Variants in PDE4D observed in about 807,000 individuals in gnomAD.
PDE4D encodes the protein phosphodiesterase 4D.
Under a neutral mutation model 87.4 loss-of-function variants are expected in PDE4D, and 24 were observed. That is an observed-to-expected ratio of 0.27 (90% CI 0.20 to 0.39). The LOEUF (loss-of-function observed/expected upper bound fraction) is 0.39. Ranked by LOEUF, PDE4D falls within the 10% of genes least tolerant of loss-of-function variation. PDE4D has a pLI of 1.00. For missense variants in PDE4D, 714 were observed against 1,041.0 expected, an observed-to-expected ratio of 0.69 and a Z score of 4.32; for synonymous variants, 384 against 383.2, an observed-to-expected ratio of 1.00 and a Z score of -0.02.
chr5:59,560,197 A>G (rs1819728057), intron 1 of PDE4D, among the ~76,000 whole-genome samples: 1 of 152,238 alleles, frequency 6.6e-6, no homozygotes, highest in Admixed American at 6.5e-5. Context: ...TTTAAACATA[A>G]TCTGGCATAA....
At chr5:59,833,722 A>G (rs770499477) in intron 1 of PDE4D, among the ~76,000 whole-genome samples, 6 of 151,940 alleles carry the variant, frequency 3.9e-5, no homozygotes, top group Non-Finnish European at 5.9e-5. Flanking sequence ...AGGCAGTGTG[A>G]AAGGGGTGTG....
chr5:60,127,246 G>C (rs559122005), intron 2 of PDE4D, among the ~76,000 whole-genome samples: 1 of 152,252 alleles, frequency 6.6e-6, no homozygotes, highest in Non-Finnish European at 1.5e-5. Context: ...GACAAGGTGT[G>C]ATTCAGATTA....
chr5:59,193,468 A>T, intron 3 of PDE4D, 32 bp downstream of exon 3: 1 of 1,602,084 alleles, frequency 6.2e-7, no homozygotes, highest in Non-Finnish European at 8.5e-7. Context: ...TACATCTGTG[A>T]GAAACCTGCC....
chr5:59,954,169 C>T (rs892555325), intron 3 of PDE4D, among the ~76,000 whole-genome samples: 12 of 152,180 alleles, frequency 7.9e-5, no homozygotes, highest in East Asian at 3.9e-4. Flanking sequence ...GGTGATCCAC[C>T]GGCCTCGGTC....
upstream of PDE4D, among the ~76,000 whole-genome samples, chr5:60,489,396 G>T (rs1749395649): frequency 6.6e-6 from 1 of 152,142 alleles, no homozygotes; most frequent in South Asian, 2.1e-4. Flanking sequence ...AGAAAATTTT[G>T]CTTTATTTAG....
chr5:60,481,042 C>T (rs755723407), intron 1 of PDE4D, among the ~76,000 whole-genome samples: 1 of 152,004 alleles, frequency 6.6e-6, no homozygotes, highest in Non-Finnish European at 1.5e-5. Context: ...GACATGAGTT[C>T]GTGCTTCTAT....
At chr5:59,329,120 T>C (rs547676127) in intron 1 of PDE4D, among the ~76,000 whole-genome samples, 52 of 152,304 alleles carry the variant, frequency 3.4e-4, no homozygotes, top group Non-Finnish European at 6.3e-4. Context: ...GGCTGACTAG[T>C]TGGGGACTTC....
At chr5:59,338,133 T>C (rs1476745644) in intron 1 of PDE4D, among the ~76,000 whole-genome samples, 1 of 152,258 alleles carries the variant, frequency 6.6e-6, no homozygotes, top group Admixed American at 6.5e-5. Context: ...CCCAAAAATG[T>C]TGCCTCCCGT....
At chr5:59,385,731 T>C (rs960468746) in intron 1 of PDE4D, among the ~76,000 whole-genome samples, 2 of 152,120 alleles carry the variant, frequency 1.3e-5, no homozygotes, top group Admixed American at 6.6e-5. Context: ...TTCCTCTAAG[T>C]TTTAGAAACC....
intron 2 of PDE4D, among the ~76,000 whole-genome samples, chr5:60,181,373 G>A (rs1784364111): frequency 6.6e-6 from 1 of 152,032 alleles, no homozygotes; most frequent in Non-Finnish European, 1.5e-5. Context: ...TCACCAGATG[G>A]GCTCCTAGCC....
chr5:59,673,650 T>C (rs974414766), intron 1 of PDE4D, among the ~76,000 whole-genome samples: 8 of 152,302 alleles, frequency 5.3e-5, no homozygotes, highest in African/African-American at 1.4e-4. Flanking sequence ...CTAGTGATCA[T>C]ACAGAAAATT....
chr5:59,645,080 G>T (rs1742225548), intron 1 of PDE4D, among the ~76,000 whole-genome samples: 1 of 152,180 alleles, frequency 6.6e-6, no homozygotes, highest in South Asian at 2.1e-4. Context: ...TTCATAAAAT[G>T]AACTTCTAAG....
chr5:59,213,168 TC>T (rs139464835), intron 2 of PDE4D, among the ~76,000 whole-genome samples: 36,070 of 148,416 alleles, frequency 0.24, 5,583 homozygotes, highest in African/African-American at 0.44. Context: ...CTTCTTTTTT[TC>T]TTTTTTTCCA....
chr5:59,444,705 C>A lies in PDE4D; in HGVS notation c.456-228737G>T, dbSNP rs945092777. Among the ~76,000 whole-genome samples, 3 of 151,872 alleles carry A rather than the reference C, an allele frequency of 2.0e-5. No individual in the cohort carries two copies. In the East Asian group the frequency reaches 5.8e-4, roughly 29 times the overall value. ...CAGGTGCCTGTAGTCCCAGCTACTC[C>A]GGAGGCTGAGGCAGGAGAATGGCAT... On this transcript the variant is annotated intron_variant, in intron 1 of 14. Coordinates refer to ENST00000340635, the MANE Select transcript of PDE4D (RefSeq NM_001104631.2).
chr5:60,437,926 C>T (rs1744888772), intron 1 of PDE4D, among the ~76,000 whole-genome samples: 1 of 152,132 alleles, frequency 6.6e-6, no homozygotes, highest in African/African-American at 2.4e-5. Context: ...AGAAGACTGA[C>T]TTTGTCTTAA....
At chr5:60,449,617 C>T (rs1745933753) in intron 1 of PDE4D, among the ~76,000 whole-genome samples, 1 of 150,624 alleles carries the variant, frequency 6.6e-6, no homozygotes, top group Non-Finnish European at 1.5e-5. Flanking sequence ...ACATTGTGCA[C>T]ATGTACCCTA....
intron 2 of PDE4D, among the ~76,000 whole-genome samples, chr5:60,083,528 T>C (rs1774203577): frequency 6.6e-6 from 1 of 152,216 alleles, no homozygotes; most frequent in Non-Finnish European, 1.5e-5. Context: ...AGCCTGAGCT[T>C]GGTCATCAGA....
intron 1 of PDE4D, among the ~76,000 whole-genome samples, chr5:60,463,473 T>C (rs549138789): frequency 1.3e-5 from 2 of 152,282 alleles, no homozygotes; most frequent in South Asian, 2.1e-4. Context: ...CACATCACAA[T>C]TATCCTGGGA....
At chr5:59,211,855 G>T (rs1460635014) in intron 2 of PDE4D, among the ~76,000 whole-genome samples, 1 of 151,944 alleles carries the variant, frequency 6.6e-6, no homozygotes, top group African/African-American at 2.4e-5. Context: ...ACTAGGAAGG[G>T]ATTATCTTCC....
Sources: gnomAD v4.1 joint callset for allele counts (sites outside exome capture counted in the v4.1 genomes callset) on GRCh38, gnomAD v4.1.1 for gene constraint, MANE v1.5 for transcripts, NCBI Gene and HGNC (gene_info 2026-07-23, HGNC 2026-07-21) for gene names.